Variants in ELN observed in about 807,000 individuals in gnomAD.
ELN encodes elastin.
In ELN, 65 loss-of-function variants were observed where a neutral mutation model predicts 105.8. The ratio of observed to expected loss-of-function variants is 0.61; its 90% confidence interval spans 0.50 to 0.75. The LOEUF (loss-of-function observed/expected upper bound fraction) is 0.75, where lower values mean the gene tolerates loss of function less well. Among genes scored for constraint, ELN ranks in the 30% least tolerant of loss-of-function variants. The pLI is 0.00. For missense variants in ELN, 882 were observed against 969.4 expected, an observed-to-expected ratio of 0.91 and a Z score of 1.20; for synonymous variants, 368 against 389.2, an observed-to-expected ratio of 0.95 and a Z score of 0.64.
At chr7:74,041,898 C>G (rs758484114) in intron 5 of ELN, among the ~76,000 whole-genome samples, 1 of 152,058 alleles carries the variant, frequency 6.6e-6, no homozygotes. Flanking sequence ...CACCACCACG[C>G]TCGGCTAATT....
At chr7:74,061,870 G>C (rs1054577200) in intron 26 of ELN, among the ~76,000 whole-genome samples, 5 of 152,152 alleles carry the variant, frequency 3.3e-5, no homozygotes, top group African/African-American at 1.2e-4. Context: ...TCCAGGAAGG[G>C]ACTGGGCCTG....
At chr7:74,057,255 G>T in intron 21 of ELN, 1 of 772,608 alleles carries the variant, frequency 1.3e-6, no homozygotes, top group East Asian at 2.9e-5. Flanking sequence ...AAAAAAAAAA[G>T]AAAAAGAAAA....
Position 74,046,326 on chromosome 7 carries a change from C to T in ELN, c.571+109C>T, listed in dbSNP as rs576025161. On this transcript the variant is annotated intron_variant, in intron 11 of 32. Coordinates refer to ENST00000252034, the MANE Select transcript of ELN (RefSeq NM_000501.4). Reference sequence around the variant, plus strand: ...ATCCAAGCCTGCCCAATTTCTCCCACGCCTGCAGAGCCAGGTCTTGCAGTG... The same window carrying T: ...ATCCAAGCCTGCCCAATTTCTCCCATGCCTGCAGAGCCAGGTCTTGCAGTG... 2.1e-4 allele frequency: 318 copies of T among 1,493,708 alleles called. 1 individual carries two copies. The highest frequency in any genetic ancestry group is 1.1e-3 in the African/African-American group (80 of 72,634). 92.5% of individuals were successfully genotyped at this position (1,493,708 alleles called of 1,614,324 possible).
chr7:74,032,366 C>T (rs1346183564), intron 1 of ELN, among the ~76,000 whole-genome samples: 1 of 152,170 alleles, frequency 6.6e-6, no homozygotes, highest in Non-Finnish European at 1.5e-5. Context: ...TGGACAGAGG[C>T]AAGGACATTC....
chr7:74,066,641 G>A, intron 31 of ELN, 91 bp from the exon 32 acceptor site: 3 of 1,220,274 alleles, frequency 2.5e-6, no homozygotes, highest in East Asian at 2.3e-5. Context: ...CCCAGACAGA[G>A]GTCTTGGGTG....
At chr7:74,036,292 TA>T (rs1245662185) in intron 2 of ELN, among the ~76,000 whole-genome samples, 4 of 150,600 alleles carry the variant, frequency 2.7e-5, no homozygotes, top group Admixed American at 1.3e-4. Flanking sequence ...AGACTCCGTA[TA>T]AAAAAAAATT....
chr7:74,047,110 A>T (rs78833337), intron 12 of ELN, among the ~76,000 whole-genome samples: 1 of 151,946 alleles, frequency 6.6e-6, no homozygotes, highest in Non-Finnish European at 1.5e-5. Flanking sequence ...GAAAAAAAAA[A>T]TGTACCACTC....
At chr7:74,064,923 G>A (rs1369488267) in intron 29 of ELN, among the ~76,000 whole-genome samples, 2 of 152,054 alleles carry the variant, frequency 1.3e-5, no homozygotes, top group East Asian at 1.9e-4. Context: ...CACAAGACCA[G>A]ACACACAGTA....
rs782307960 is a variant in ELN, at chr7:74,056,287, C to T, written c.1167C>T (p.Val389=). The part of the protein sequence containing the change: ...KAAKYGARPG[V]GVGGIPTYGV... ...CCTCTGCAGGGGCCAGGCCCGGAGTCGGAGTTGGAGGCATTCCTACTTACG... is the reference window on the plus strand; with the variant it reads ...CCTCTGCAGGGGCCAGGCCCGGAGTTGGAGTTGGAGGCATTCCTACTTACG... The change falls in exon 20 of 33, where the codon GTC becomes GTT. Residue 389 remains valine, a synonymous_variant. Transcript: ENST00000252034. 9 of 1,613,964 alleles carry T rather than the reference C, an allele frequency of 5.6e-6. No individual in the cohort carries two copies. Among genetic ancestry groups the T allele is most frequent in the East Asian group, 2.2e-5 (1 of 44,878 alleles).
chr7:74,054,757 G>T lies in ELN; in HGVS notation c.1138G>T (p.Ala380Ser). Reference protein sequence around the residue: ...PEAAAKAAAKAAKYGARPGVG... With the variant: ...PEAAAKAAAKSAKYGARPGVG... ...AGCAGCTGCTAAGGCAGCTGCAAAG[G>T]CAGCCAAATACGGTGAGTGCTATGC... is the stretch of plus-strand genomic sequence containing the variant. Residue 380 changes from alanine to serine, a missense_variant, in exon 19 of 33, where the codon GCA becomes TCA. Transcript: ENST00000252034. The T allele has an allele frequency of 1.2e-6, 2 of 1,614,160 alleles. No homozygotes were observed. Among genetic ancestry groups the T allele is most frequent in the South Asian group, 2.2e-5 (2 of 91,072 alleles).
At chr7:74,032,107 G>A (rs151038311) in intron 1 of ELN, among the ~76,000 whole-genome samples, 7 of 152,260 alleles carry the variant, frequency 4.6e-5, no homozygotes, top group African/African-American at 1.2e-4. Flanking sequence ...GGATGTTTGT[G>A]GAAGGAGGTC....
chr7:74,042,702 G>A lies in ELN; in HGVS notation c.321G>A (p.Lys107=). 1 of 1,612,860 alleles carries A rather than the reference G, an allele frequency of 6.2e-7. No individual in the cohort carries two copies. The highest frequency in any genetic ancestry group is 2.2e-5 in the East Asian group (1 of 44,878). ...CTGCTGCAGCCTATAAAGCTGCTAAGGCTGGTGAGTGGTGCTCTTTGGGAC... is the reference window on the plus strand; with the variant it reads ...CTGCTGCAGCCTATAAAGCTGCTAAAGCTGGTGAGTGGTGCTCTTTGGGAC... ...ADAAAAYKAA[K]AGAGLGGVPG... The change falls in exon 6 of 33, where the codon AAG becomes AAA. Residue 107 remains lysine (K), a synonymous_variant. Coordinates refer to ENST00000252034, the MANE Select transcript of ELN (RefSeq NM_000501.4).
intron 1 of ELN, among the ~76,000 whole-genome samples, chr7:74,028,753 G>A (rs1432454855): frequency 2.6e-5 from 4 of 152,236 alleles, no homozygotes; most frequent in East Asian, 1.9e-4. Context: ...CTGGGAAGCC[G>A]GGATCCCCCC....
At chr7:74,046,900 A>G (rs782688997) in intron 12 of ELN, 133 bp downstream of exon 12, 14 of 1,021,732 alleles carry the variant, frequency 1.4e-5, no homozygotes, top group Non-Finnish European at 2.1e-5. Context: ...CCTGGCCAAC[A>G]TGGCAAAACC....
rs781926084 is a variant in ELN at position 74,059,905 on chromosome 7, C to T, written c.1434C>T (p.Gly478=). The change falls in exon 23 of 33, where the codon GGC becomes GGT. Residue 478 remains glycine, a synonymous_variant. Transcript: ENST00000252034. ...TTGCAGGGTTAGTTCCTGGTGTCGG[C>T]GTGGCTCCTGGAGTTGGCGTGGCTC... ...AAQFGLVPGV[G]VAPGVGVAPG... is the part of the protein sequence containing the mutation. 12 of 1,432,588 alleles carry T rather than the reference C, an allele frequency of 8.4e-6. No homozygotes were observed. The highest frequency in any genetic ancestry group is 1.7e-4 in the Middle Eastern group (1 of 5,730). The allele number at this position is 1,432,588 out of a possible 1,614,324, so 88.7% of individuals were successfully genotyped here.
At chr7:74,067,933 C>CAAAAAA (rs782107951) in intron 32 of ELN, among the ~76,000 whole-genome samples, 3 of 19,896 alleles carry the variant, frequency 1.5e-4, no homozygotes, top group Admixed American at 5.3e-4. Context: ...GATTGCGTCT[C>CAAAAAA]AAAAAAAAAA....
At chr7:74,061,244 T>C in intron 26 of ELN, 105 bp downstream of exon 26, 3 of 1,455,862 alleles carry the variant, frequency 2.1e-6, no homozygotes, top group Non-Finnish European at 2.9e-6. Context: ...CGGCCGGGCG[T>C]GGTGGCTCAC....
chr7:74,064,785 T>G (rs1172050759), intron 29 of ELN, among the ~76,000 whole-genome samples: 1 of 152,142 alleles, frequency 6.6e-6, no homozygotes, highest in Admixed American at 6.6e-5. Context: ...AAATCAAAGC[T>G]TGGAGAGAAA....
intron 15 of ELN, among the ~76,000 whole-genome samples, chr7:74,050,186 TATCC>T (rs202068243): frequency 1.7e-5 from 2 of 114,622 alleles, no homozygotes; most frequent in South Asian, 6.3e-4. Context: ...CTCACCCATC[TATCC>T]ATCCATCCAT....
Sources: gnomAD v4.1 joint callset for allele counts (sites outside exome capture counted in the v4.1 genomes callset) on GRCh38, gnomAD v4.1.1 for gene constraint, MANE v1.5 for transcripts, NCBI Gene and HGNC (gene_info 2026-07-23, HGNC 2026-07-21) for gene names.